MRE11: variants seen among roughly 807,000 people sequenced by gnomAD.
The protein encoded by MRE11 is double-strand break repair protein MRE11.
MRE11 carries 62 observed loss-of-function variants against 91.7 expected under a neutral mutation model. The ratio of observed to expected loss-of-function variants is 0.68; its 90% CI spans 0.55 to 0.84. The LOEUF is 0.84. MRE11 is among the 40% of genes least tolerant of loss of function. MRE11 has a pLI of 0.00. For missense variants in MRE11, 796 were observed against 852.9 expected, an observed-to-expected ratio of 0.93 and a Z score of 0.83; for synonymous variants, 273 against 271.4, an observed-to-expected ratio of 1.01 and a Z score of -0.06.
At chr11:94,499,889 A>G in the MRE11 span, among the ~76,000 whole-genome samples, 8 of 152,196 alleles carry the variant, frequency 5.3e-5, no homozygotes, top group Non-Finnish European at 8.8e-5. Context: ...AATGTTATTT[A>G]ATCAAAGATT....
At chr11:94,469,430 C>A (rs764324593) in intron 9 of MRE11, among the ~76,000 whole-genome samples, 7 of 152,114 alleles carry the variant, frequency 4.6e-5, no homozygotes, top group Non-Finnish European at 7.4e-5. Context: ...TTGAAAAACC[C>A]AGGTCTGACT....
intron 16 of MRE11, 24 bp from the exon 17 acceptor site, chr11:94,437,259 G>A (rs1386547819): frequency 6.2e-7 from 1 of 1,606,082 alleles, no homozygotes; most frequent in Non-Finnish European, 8.5e-7. Flanking sequence ...GATGAAATGT[G>A]CATTATGTTA....
intron 16 of MRE11, among the ~76,000 whole-genome samples, chr11:94,445,280 A>T (rs574969040): frequency 6.6e-6 from 1 of 152,306 alleles, no homozygotes; most frequent in East Asian, 1.9e-4. Flanking sequence ...ATTTGTCTGA[A>T]AGTAAGAAAT....
At chr11:94,438,670 G>C (rs1277280864) in intron 16 of MRE11, among the ~76,000 whole-genome samples, 1 of 152,176 alleles carries the variant, frequency 6.6e-6, no homozygotes, top group East Asian at 1.9e-4. Context: ...AATTTTATCA[G>C]AAAACTAAGC....
intron 3 of MRE11, 75 bp from the exon 4 acceptor site, chr11:94,486,159 T>A (rs1450975529): frequency 4.2e-6 from 6 of 1,414,538 alleles, no homozygotes; most frequent in African/African-American, 2.9e-5. Context: ...ATGAAAGAGA[T>A]AAAAAAAAAC....
At chr11:94,445,530 G>A (rs1393405769) in intron 16 of MRE11, among the ~76,000 whole-genome samples, 6 of 152,138 alleles carry the variant, frequency 3.9e-5, no homozygotes, top group African/African-American at 9.6e-5. Flanking sequence ...GGCTGGTCTC[G>A]ATCTCCTGAC....
intron 16 of MRE11, among the ~76,000 whole-genome samples, chr11:94,438,155 A>C (rs917917593): frequency 2.0e-5 from 3 of 151,860 alleles, no homozygotes; most frequent in Non-Finnish European, 4.4e-5. Context: ...AAAACAAAAC[A>C]AAACCTACAA....
intron 8 of MRE11, 136 bp from the exon 9 acceptor site, chr11:94,470,778 C>G (rs565419070): frequency 2.1e-6 from 2 of 933,776 alleles, no homozygotes; most frequent in East Asian, 5.3e-5. Context: ...AATGTTTCTG[C>G]TAATTTAACC....
chr11:94,445,692 T>A (rs1945907259), intron 16 of MRE11, 118 bp downstream of exon 16: 1 of 787,888 alleles, frequency 1.3e-6, no homozygotes, highest in Non-Finnish European at 2.3e-6. Context: ...TATCCTGTGA[T>A]CCTAATTGCC....
rs1554996392 is a variant in MRE11, at chr11:94,419,465, G to GGAGGGAGAGAGAGAGA, written c.*659_*660insTCTCTCTCTCTCCCTC. ...GAAGAGTGGGGAACGGGGGGGAGAGGGAGAGAGAGAGAGAGAGAGAGAGAG... is the reference window on the plus strand; with the variant it reads ...GAAGAGTGGGGAACGGGGGGGAGAGGGAGGGAGAGAGAGAGAGAGAGAGAGAGAGAGAGAGAGAGAG... On this transcript the variant is annotated 3_prime_UTR_variant, in exon 20 of 20. Transcript: ENST00000323929. 16 of 216,370 alleles carry GGAGGGAGAGAGAGAGA rather than the reference G, an allele frequency of 7.4e-5. No homozygotes were observed. Among genetic ancestry groups the GGAGGGAGAGAGAGAGA allele is most frequent in the Admixed American group, 2.5e-4 (4 of 15,936 alleles). The allele number at this position is 216,370 out of a possible 1,614,324, so 13.4% of individuals were successfully genotyped here. A position where few individuals can be genotyped will look rare whatever the true frequency, so the allele number is the denominator to read the frequency against.
intron 9 of MRE11, 42 bp from the exon 10 acceptor site, chr11:94,467,935 G>C (rs1222942957): frequency 6.6e-7 from 1 of 1,523,914 alleles, no homozygotes; most frequent in South Asian, 1.1e-5. Context: ...GTAGTAAACT[G>C]AGTTTAACTT....
chr11:94,466,504 T>C (rs762595406), intron 10 of MRE11: 1 of 531,812 alleles, frequency 1.9e-6, no homozygotes. Context: ...AAGCATTTGG[T>C]TGGTGCACAA....
chr11:94,425,655 T>C (rs989047319), intron 19 of MRE11, among the ~76,000 whole-genome samples: 3 of 152,158 alleles, frequency 2.0e-5, no homozygotes, highest in African/African-American at 7.2e-5. Context: ...GAGAAAGATC[T>C]AACATGCAAA....
At chr11:94,481,173 G>A (rs1947003532) in intron 4 of MRE11, among the ~76,000 whole-genome samples, 1 of 152,054 alleles carries the variant, frequency 6.6e-6, no homozygotes, top group African/African-American at 2.4e-5. Flanking sequence ...GCCGTGCATG[G>A]TGGCACATGC....
intron 18 of MRE11, among the ~76,000 whole-genome samples, chr11:94,435,534 C>T (rs113009211): frequency 4.0e-5 from 6 of 151,704 alleles, no homozygotes; most frequent in South Asian, 2.1e-4. Flanking sequence ...CCAGTCTAGG[C>T]GACAGAATGA....
At chr11:94,463,582 T>C (rs13447655) in intron 11 of MRE11, among the ~76,000 whole-genome samples, 25,799 of 152,036 alleles carry the variant, frequency 0.17, 2,500 homozygotes, top group East Asian at 0.23. Context: ...ACATATACAC[T>C]ATGGAATACT....
At chr11:94,473,894 G>A (rs1245981588) in intron 7 of MRE11, among the ~76,000 whole-genome samples, 1 of 152,070 alleles carries the variant, frequency 6.6e-6, no homozygotes, top group Non-Finnish European at 1.5e-5. Flanking sequence ...TTTATAATAT[G>A]ATCCAGGCTT....
chr11:94,478,652 A>G, intron 6 of MRE11, 83 bp downstream of exon 6: 1 of 1,527,814 alleles, frequency 6.5e-7, no homozygotes, highest in Non-Finnish European at 9.0e-7. Context: ...ATTTTTTCCA[A>G]ACAGATACAA....
At chr11:94,501,694 G>A in the MRE11 span, among the ~76,000 whole-genome samples, 1 of 151,554 alleles carries the variant, frequency 6.6e-6, no homozygotes, top group Non-Finnish European at 1.5e-5. Flanking sequence ...GTTACACAGA[G>A]CATTAAACTC....
Sources: allele counts gnomAD v4.1 joint callset (sites outside exome capture counted in the v4.1 genomes callset), GRCh38; gene constraint gnomAD v4.1.1; transcripts MANE v1.5; gene names NCBI Gene and HGNC (gene_info 2026-07-23, HGNC 2026-07-21).